The following MMP2 variants were observed in gnomAD, a reference collection of about 807,000 sequenced individuals.
MMP2 encodes the protein 72 kDa type IV collagenase.
Under a neutral mutation model 74.8 loss-of-function variants are expected in MMP2, and 39 were observed. The observed-to-expected ratio is 0.52, with a 90% CI of 0.40 to 0.68. The LOEUF (loss-of-function observed/expected upper bound fraction) is 0.68. Among genes scored for constraint, MMP2 ranks in the 30% least tolerant of loss-of-function variants. The pLI is 0.00. For synonymous variants in MMP2, 367 were observed against 339.8 expected (o/e 1.08, Z -0.88); for missense variants, 803 against 878.3 (o/e 0.91, Z 1.08).
At chr16:55,499,877 C>T (rs113064266) in intron 11 of MMP2, among the ~76,000 whole-genome samples, 26 of 152,140 alleles carry the variant, frequency 1.7e-4, no homozygotes, top group African/African-American at 6.3e-4. Flanking sequence ...CTGGTATCCC[C>T]ACATTCCTTC....
At chr16:55,491,647 G>T (rs1018319787) in intron 7 of MMP2, among the ~76,000 whole-genome samples, 154 bp from the exon 8 acceptor site, 1 of 151,340 alleles carries the variant, frequency 6.6e-6, no homozygotes, top group Non-Finnish European at 1.5e-5. Flanking sequence ...AGAATTCTCA[G>T]GAAAAGAAAA....
intron 12 of MMP2, among the ~76,000 whole-genome samples, chr16:55,503,473 T>C (rs1341001192): frequency 2.6e-5 from 4 of 152,036 alleles, no homozygotes; most frequent in African/African-American, 9.7e-5. Flanking sequence ...TTTGGCTTTT[T>C]TTAGAGGAGA....
chr16:55,499,444 C>G (rs1172394177), intron 11 of MMP2, among the ~76,000 whole-genome samples: 1 of 152,160 alleles, frequency 6.6e-6, no homozygotes, highest in Non-Finnish European at 1.5e-5. Flanking sequence ...ATGGAAGGAG[C>G]AGGTGCCCTG....
chr16:55,498,007 C>G (rs570771625), intron 10 of MMP2, among the ~76,000 whole-genome samples: 202 of 152,274 alleles, frequency 1.3e-3, no homozygotes, highest in African/African-American at 4.7e-3. Flanking sequence ...GCAAAAGGTG[C>G]CTCTTTATGA....
chr16:55,485,034 T>A (rs926304442), intron 3 of MMP2, among the ~76,000 whole-genome samples: 1 of 152,006 alleles, frequency 6.6e-6, no homozygotes, highest in African/African-American at 2.4e-5. Flanking sequence ...TATAGTGTCA[T>A]GGTGGTAGAG....
chr16:55,492,388 G>A (rs1208228161), intron 8 of MMP2, among the ~76,000 whole-genome samples: 1 of 151,968 alleles, frequency 6.6e-6, no homozygotes, highest in Non-Finnish European at 1.5e-5. Flanking sequence ...TTGATTTTTA[G>A]TATGTAGTAG....
intron 9 of MMP2, among the ~76,000 whole-genome samples, chr16:55,494,260 A>G (rs1962483448): frequency 6.6e-6 from 1 of 152,216 alleles, no homozygotes; most frequent in African/African-American, 2.4e-5. Flanking sequence ...ATCATAGACA[A>G]GTTAATTAAG....
At chr16:55,503,754 C>T (rs1304706446) in intron 12 of MMP2, among the ~76,000 whole-genome samples, 1 of 152,170 alleles carries the variant, frequency 6.6e-6, no homozygotes, top group Non-Finnish European at 1.5e-5. Flanking sequence ...GTAAAGCAGG[C>T]AGGGGCAGAC....
intron 5 of MMP2, among the ~76,000 whole-genome samples, 185 bp downstream of exon 5, chr16:55,485,962 C>T (rs946580237): frequency 2.6e-5 from 4 of 152,184 alleles, no homozygotes; most frequent in African/African-American, 4.8e-5. Context: ...TTCTCTCCCA[C>T]CAGTACCATG....
At chr16:55,496,882 G>T in intron 9 of MMP2, 44 bp from the exon 10 acceptor site, 3 of 1,611,186 alleles carry the variant, frequency 1.9e-6, no homozygotes, top group Non-Finnish European at 2.5e-6. Flanking sequence ...GAGCTGCAGG[G>T]TGACTGAAGA....
chr16:55,479,741 G>A (rs563492088), intron 1 of MMP2, 109 bp downstream of exon 1: 3 of 1,435,898 alleles, frequency 2.1e-6, no homozygotes, highest in Middle Eastern at 1.7e-4. Context: ...GCGTGGGGGA[G>A]GGGCTTCGGT....
At chr16:55,493,409 T>G in intron 9 of MMP2, 116 bp downstream of exon 9, 1 of 1,407,120 alleles carries the variant, frequency 7.1e-7, no homozygotes, top group Non-Finnish European at 1.0e-6. Context: ...CAGAATGACC[T>G]GAATTAGGCA....
rs567900496 is a variant in MMP2 at position 55,505,673 on chromosome 16, C to T, written c.*231C>T. The T allele has an allele frequency of 8.2e-5, 48 of 588,280 alleles. No homozygotes were observed. In the African/African-American group the frequency reaches 8.6e-4, roughly 11 times the overall value. 36.4% of individuals were successfully genotyped at this position (588,280 alleles called of 1,614,324 possible). ...GGCGCCCCTTCCCCCTCCAATCCCA[C>T]CAACCCTCAGAGCCACCCCTAAAGA... On this transcript the variant is annotated 3_prime_UTR_variant, in exon 13 of 13. Coordinates refer to ENST00000219070, the MANE Select transcript of MMP2 (RefSeq NM_004530.6).
Position 55,496,294 on chromosome 16 carries a change from A to G in MMP2, c.1473-632A>G, listed in dbSNP as rs571023121. Among the ~76,000 whole-genome samples the G allele has an allele frequency of 7.2e-5, 11 of 152,270 alleles. No homozygotes were observed. The East Asian group carries it at 1.7e-3, about 24-fold the overall frequency. ...TCTACCCCTAGAATGGGGGTAGGGG[A>G]CACAGGGTCAGAGGAGGTGAAGGCT... is the stretch of plus-strand genomic sequence containing the variant. On this transcript the variant is annotated intron_variant, in intron 9 of 12. Transcript: ENST00000219070.
At chr16:55,502,272 C>T (rs1261376488) in intron 11 of MMP2, among the ~76,000 whole-genome samples, 1 of 152,182 alleles carries the variant, frequency 6.6e-6, no homozygotes, top group East Asian at 1.9e-4. Flanking sequence ...GGGCAGATTC[C>T]CATCCCTGGG....
chr16:55,502,968 C>G (rs777602035), intron 12 of MMP2, 80 bp downstream of exon 12: 4 of 1,137,804 alleles, frequency 3.5e-6, no homozygotes, highest in Non-Finnish European at 5.2e-6. Flanking sequence ...ATACACACTT[C>G]TTTATTGTGC....
intron 3 of MMP2, 131 bp downstream of exon 3, chr16:55,484,295 G>C: frequency 8.9e-7 from 1 of 1,129,070 alleles, no homozygotes; most frequent in Non-Finnish European, 1.3e-6. Flanking sequence ...GTGGGCCCTG[G>C]GGGTGGTTTA....
In MMP2 at chr16:55,485,437, G is replaced by A. The variant is rs201653184; in HGVS notation, c.658+10G>A. ...TTGGGAGAAGGCCAAGGTGAGAAAG[G>A]GGCCCTCTGCATGCCCCAGACCTTC... On this transcript the variant is annotated intron_variant, in intron 4 of 12. Transcript: ENST00000219070. 1,380 of 1,614,052 alleles carry A rather than the reference G, an allele frequency of 8.5e-4. No homozygotes were observed. Among genetic ancestry groups the A allele is most frequent in the Admixed American group, 1.8e-3 (107 of 60,014 alleles).
In MMP2 at chr16:55,483,072, A is replaced by G. The variant is rs752059182; in HGVS notation, c.317A>G (p.Asp106Gly). The change falls in exon 2 of 13, where the codon GAT becomes GGT. Residue 106 changes from aspartate (D) to glycine (G), a missense_variant. By Grantham distance (94) the Asp-to-Gly change is moderately conservative. Coordinates refer to ENST00000219070, the MANE Select transcript of MMP2 (RefSeq NM_004530.6). ...CGGAAGCCACGCTGCGGCAACCCAG[A>G]TGTGGCCAACTACAACTTCTTCCCT... The part of the protein sequence containing the change: ...TMRKPRCGNP[D>G]VANYNFFPRK... The G allele has an allele frequency of 6.2e-7, 1 of 1,614,006 alleles. No homozygotes were observed.
Sources: gnomAD v4.1 joint callset for allele counts (sites outside exome capture counted in the v4.1 genomes callset) on GRCh38, gnomAD v4.1.1 for gene constraint, MANE v1.5 for transcripts, NCBI Gene and HGNC (gene_info 2026-07-23, HGNC 2026-07-21) for gene names.